The following GRID2 variants were observed in gnomAD, a reference collection of about 807,000 sequenced individuals.
The protein encoded by GRID2 is glutamate ionotropic receptor delta type subunit 2.
In GRID2, 33 loss-of-function variants were observed where a neutral mutation model predicts 114.8. The ratio of observed to expected loss-of-function variants is 0.29; its 90% CI spans 0.22 to 0.38. The LOEUF is 0.38. GRID2 is among the 10% of genes least tolerant of loss of function. The pLI, the probability that GRID2 is intolerant of heterozygous loss-of-function variation, is 1.00. For synonymous variants in GRID2, 505 were observed against 449.9 expected, an observed-to-expected ratio of 1.12 and a Z score of -1.55; for missense variants, 1,184 against 1,257.7, an observed-to-expected ratio of 0.94 and a Z score of 0.89.
At chr4:93,155,317 A>G (rs148889489) in intron 4 of GRID2, among the ~76,000 whole-genome samples, 15 of 152,036 alleles carry the variant, frequency 9.9e-5, no homozygotes, top group Non-Finnish European at 1.9e-4. Flanking sequence ...GCCTCTGCAT[A>G]TTCTATTGCT....
chr4:92,637,025 A>C (rs1731096613), intron 2 of GRID2, among the ~76,000 whole-genome samples: 1 of 151,956 alleles, frequency 6.6e-6, no homozygotes, highest in South Asian at 2.1e-4. Context: ...TCTTATTAAA[A>C]TTACATTATA....
intron 8 of GRID2, among the ~76,000 whole-genome samples, chr4:93,245,526 A>T (rs935216403): frequency 1.3e-5 from 2 of 152,182 alleles, no homozygotes; most frequent in Non-Finnish European, 2.9e-5. Flanking sequence ...TGATTATTCC[A>T]AGCAAAATGG....
chr4:92,311,816 C>G (rs1380081910), intron 1 of GRID2, among the ~76,000 whole-genome samples: 1 of 151,924 alleles, frequency 6.6e-6, no homozygotes, highest in Non-Finnish European at 1.5e-5. Flanking sequence ...TCTGAATTTA[C>G]TCTGTATGAA....
intron 4 of GRID2, among the ~76,000 whole-genome samples, chr4:93,130,049 G>C (rs1734656679): frequency 6.6e-6 from 1 of 152,138 alleles, no homozygotes; most frequent in African/African-American, 2.4e-5. Flanking sequence ...AGCTGAGATG[G>C]CTGAAAACAT....
At chr4:93,677,374 C>G (rs1337918346) in intron 14 of GRID2, among the ~76,000 whole-genome samples, 1 of 152,174 alleles carries the variant, frequency 6.6e-6, no homozygotes, top group African/African-American at 2.4e-5. Flanking sequence ...AAAAAGACAG[C>G]AGTAACCTCT....
At chr4:92,999,245 C>G (rs1195540370) in intron 2 of GRID2, among the ~76,000 whole-genome samples, 1 of 151,840 alleles carries the variant, frequency 6.6e-6, no homozygotes, top group Non-Finnish European at 1.5e-5. Flanking sequence ...ACATGTATGA[C>G]ATTTGTAATT....
chr4:93,069,310 G>T (rs7682242), intron 2 of GRID2, among the ~76,000 whole-genome samples: 1 of 151,556 alleles, frequency 6.6e-6, no homozygotes, highest in Non-Finnish European at 1.5e-5. Flanking sequence ...ATGCATGTGT[G>T]TATATATATA....
chr4:93,279,559 C>T (rs1469256844), intron 8 of GRID2, among the ~76,000 whole-genome samples: 2 of 151,800 alleles, frequency 1.3e-5, no homozygotes, highest in East Asian at 3.9e-4. Context: ...TGGAAGAACT[C>T]AGGTAATACA....
At chr4:93,572,913 T>G (rs969854385) in intron 13 of GRID2, among the ~76,000 whole-genome samples, 1 of 152,094 alleles carries the variant, frequency 6.6e-6, no homozygotes, top group Non-Finnish European at 1.5e-5. Context: ...TGTACATATT[T>G]TAAAGAAGTG....
At chr4:92,400,714 A>G (rs373336537) in intron 1 of GRID2, among the ~76,000 whole-genome samples, 1 of 152,092 alleles carries the variant, frequency 6.6e-6, no homozygotes, top group African/African-American at 2.4e-5. Context: ...GCCATTTTAC[A>G]TTACCACCAT....
In GRID2 at chr4:92,537,115, C is replaced by T. The variant is rs1028580074; in HGVS notation, c.89-53016C>T. 3.9e-5 allele frequency among the ~76,000 whole-genome samples: 6 copies of T among 152,134 alleles called. No individual in the cohort carries two copies. The South Asian group carries it at 1.2e-3, about 32-fold the overall frequency. On this transcript the variant is annotated intron_variant, in intron 1 of 15. Coordinates refer to ENST00000282020, the MANE Select transcript of GRID2 (RefSeq NM_001510.4). ...TTATACCCTTCAATACACAATTTCA[C>T]TAAATAATGATAATGTTCTATTTTT...
chr4:93,481,689 G>T (rs1428066693), intron 11 of GRID2, among the ~76,000 whole-genome samples: 1 of 152,082 alleles, frequency 6.6e-6, no homozygotes, highest in Non-Finnish European at 1.5e-5. Context: ...ACCACAGGCT[G>T]TAAATTGTCA....
At chr4:92,893,967 G>A (rs2149472693) in intron 2 of GRID2, among the ~76,000 whole-genome samples, 1 of 152,292 alleles carries the variant, frequency 6.6e-6, no homozygotes, top group Middle Eastern at 3.4e-3. Context: ...TGAGTTTGAT[G>A]TGGACCCAGT....
chr4:92,998,984 G>C (rs1003066709), intron 2 of GRID2, among the ~76,000 whole-genome samples: 4 of 151,784 alleles, frequency 2.6e-5, no homozygotes, highest in Admixed American at 1.3e-4. Context: ...ATAGCTTGAG[G>C]TCTTTTATTT....
chr4:92,963,909 A>G (rs1029674756), intron 2 of GRID2, among the ~76,000 whole-genome samples: 2 of 152,038 alleles, frequency 1.3e-5, no homozygotes, highest in African/African-American at 4.8e-5. Context: ...TCACAGGCAT[A>G]AAATCAATAT....
intron 2 of GRID2, among the ~76,000 whole-genome samples, chr4:92,870,091 C>T (rs979138442): frequency 2.6e-5 from 4 of 151,552 alleles, no homozygotes; most frequent in African/African-American, 7.3e-5. Context: ...TTCCTAGCTA[C>T]TTGGAAGACT....
At chr4:92,415,350 G>A (rs1731543895) in intron 1 of GRID2, among the ~76,000 whole-genome samples, 1 of 151,722 alleles carries the variant, frequency 6.6e-6, no homozygotes, top group South Asian at 2.1e-4. Context: ...AGTTTTGGGA[G>A]AACAGGTGGT....
At chr4:93,291,880 G>A (rs949724784) in intron 8 of GRID2, among the ~76,000 whole-genome samples, 4 of 151,014 alleles carry the variant, frequency 2.6e-5, no homozygotes, top group African/African-American at 9.9e-5. Context: ...AAATTAATTA[G>A]CATATGCATT....
chr4:93,539,521 G>A (rs1732441627), intron 13 of GRID2, among the ~76,000 whole-genome samples: 1 of 151,888 alleles, frequency 6.6e-6, no homozygotes, highest in South Asian at 2.1e-4. Context: ...CCAATATTCT[G>A]TTTTCCCTTA....
Sources: gnomAD v4.1 joint callset for allele counts (sites outside exome capture counted in the v4.1 genomes callset) on GRCh38, gnomAD v4.1.1 for gene constraint, MANE v1.5 for transcripts, NCBI Gene and HGNC (gene_info 2026-07-23, HGNC 2026-07-21) for gene names.